FCHSD2: variants seen among roughly 807,000 people sequenced by gnomAD.
The protein encoded by FCHSD2 is F-BAR and double SH3 domains protein 2.
A neutral mutation model predicts 108.1 loss-of-function variants in FCHSD2; 38 were observed. That is an observed-to-expected ratio of 0.35 (90% confidence interval 0.27 to 0.46). The LOEUF (loss-of-function observed/expected upper bound fraction) is 0.46, where lower values mean the gene tolerates loss of function less well. Among genes scored for constraint, FCHSD2 ranks in the 20% least tolerant of loss-of-function variants. The pLI, the probability that FCHSD2 is intolerant of heterozygous loss-of-function variation, is 1.00. For synonymous variants in FCHSD2, 279 were observed against 314.7 expected, an observed-to-expected ratio of 0.89 and a Z score of 1.20; for missense variants, 751 against 897.8, an observed-to-expected ratio of 0.84 and a Z score of 2.09.
chr11:73,131,407 T>A (rs1860997845), intron 2 of FCHSD2, among the ~76,000 whole-genome samples: 1 of 150,878 alleles, frequency 6.6e-6, no homozygotes, highest in South Asian at 2.1e-4. Context: ...CGGGCACCTG[T>A]AGTCCCACCT....
rs148746554 is a variant in FCHSD2 at position 72,857,931 on chromosome 11, A to G, written c.1309-8042T>C. On this transcript the variant is annotated intron_variant, in intron 13 of 19. Transcript: ENST00000409418. ...GGTTTGAATGTTGACTATGTCACTT[A>G]CTTGTTGTGTGACCTTGGGCAAATT... 4.8e-3 allele frequency among the ~76,000 whole-genome samples: 736 copies of G among 152,256 alleles called. 3 individuals are homozygous for G. The highest frequency in any genetic ancestry group is 0.015 in the African/African-American group (609 of 41,536).
intron 2 of FCHSD2, among the ~76,000 whole-genome samples, chr11:73,104,243 C>T (rs546350851): frequency 6.6e-6 from 1 of 152,354 alleles, no homozygotes; most frequent in Admixed American, 6.5e-5. Context: ...TTTGCTTCTC[C>T]TAAACAGAAA....
chr11:72,856,874 A>G (rs1861441488), intron 13 of FCHSD2, among the ~76,000 whole-genome samples: 1 of 152,224 alleles, frequency 6.6e-6, no homozygotes, highest in Admixed American at 6.5e-5. Context: ...AATGTATTAT[A>G]TATACTTAGA....
At chr11:73,136,570 A>T (rs1191577862) in intron 2 of FCHSD2, among the ~76,000 whole-genome samples, 1 of 152,162 alleles carries the variant, frequency 6.6e-6, no homozygotes. Flanking sequence ...AAAAAAAATT[A>T]TCTACTACTA....
At chr11:72,849,302 A>C (rs750340178) in intron 14 of FCHSD2, among the ~76,000 whole-genome samples, 2 of 152,264 alleles carry the variant, frequency 1.3e-5, no homozygotes, top group African/African-American at 2.4e-5. Context: ...GAAGACACAC[A>C]GACAAGGTAC....
Position 72,865,650 on chromosome 11 carries a change from A to G in FCHSD2, c.1308+2215T>C, listed in dbSNP as rs529948606. ...TTCTTCAAAGACTATCTCAAATGACATATCCTCCATGGGGCACACTTTCTT... is the reference window on the plus strand; with the variant it reads ...TTCTTCAAAGACTATCTCAAATGACGTATCCTCCATGGGGCACACTTTCTT... On this transcript the variant is annotated intron_variant, in intron 13 of 19. Transcript: ENST00000409418. Among the ~76,000 whole-genome samples the G allele has an allele frequency of 1.9e-4, 29 of 151,804 alleles. No individual in the cohort carries two copies. The South Asian group carries it at 2.9e-3, about 15-fold the overall frequency.
intron 3 of FCHSD2, among the ~76,000 whole-genome samples, chr11:73,062,156 C>G (rs1427608070): frequency 6.6e-6 from 1 of 152,102 alleles, no homozygotes; most frequent in Non-Finnish European, 1.5e-5. Context: ...GCTGATGATA[C>G]CCAGGCAAAC....
intron 3 of FCHSD2, among the ~76,000 whole-genome samples, chr11:73,023,698 CA>C (rs532036057): frequency 6.6e-6 from 1 of 152,024 alleles, no homozygotes; most frequent in African/African-American, 2.4e-5. Context: ...CTTAGGTTCA[CA>C]AAAAAACCTG....
chr11:73,067,502 T>C (rs1232985758), intron 3 of FCHSD2, among the ~76,000 whole-genome samples: 2 of 151,032 alleles, frequency 1.3e-5, no homozygotes, highest in African/African-American at 2.4e-5. Context: ...AGAAAGAAAA[T>C]AGATATGCTC....
At chr11:72,920,977 T>C (rs1289168347) in intron 9 of FCHSD2, among the ~76,000 whole-genome samples, 1 of 152,022 alleles carries the variant, frequency 6.6e-6, no homozygotes, top group Non-Finnish European at 1.5e-5. Context: ...GGATGAAGAG[T>C]CTGTGCTTTT....
chr11:72,871,713 A>G (rs995932401), intron 12 of FCHSD2, among the ~76,000 whole-genome samples: 1 of 151,344 alleles, frequency 6.6e-6, no homozygotes, highest in African/African-American at 2.4e-5. Context: ...CTGTGAATAG[A>G]TAGCCACTGC....
At chr11:72,929,032 T>A (rs1455102143) in intron 8 of FCHSD2, among the ~76,000 whole-genome samples, 1 of 152,200 alleles carries the variant, frequency 6.6e-6, no homozygotes, top group African/African-American at 2.4e-5. Context: ...TTCATCCATG[T>A]CCCTACAAAG....
chr11:72,905,413 T>C (rs1163061512), intron 9 of FCHSD2, among the ~76,000 whole-genome samples: 1 of 152,240 alleles, frequency 6.6e-6, no homozygotes, highest in Non-Finnish European at 1.5e-5. Flanking sequence ...TTATCCTTAC[T>C]TTGTATTACA....
intron 4 of FCHSD2, among the ~76,000 whole-genome samples, chr11:73,011,687 G>T (rs188019894): frequency 2.0e-5 from 3 of 152,236 alleles, no homozygotes; most frequent in Non-Finnish European, 4.4e-5. Flanking sequence ...TAGTTTCAAG[G>T]CCCAGGAAGG....
chr11:73,032,940 A>T (rs117893776), intron 3 of FCHSD2, among the ~76,000 whole-genome samples: 4 of 152,150 alleles, frequency 2.6e-5, no homozygotes, highest in African/African-American at 9.7e-5. Flanking sequence ...CCATTATCAG[A>T]CTAAAATGTG....
chr11:72,871,978 T>C (rs1379945796), intron 12 of FCHSD2, among the ~76,000 whole-genome samples: 1 of 152,098 alleles, frequency 6.6e-6, no homozygotes, highest in Admixed American at 6.6e-5. Flanking sequence ...ATCACTGGGC[T>C]TTCTTTGCTG....
intron 10 of FCHSD2, among the ~76,000 whole-genome samples, chr11:72,902,207 T>A (rs948044749): frequency 1.7e-4 from 26 of 152,268 alleles, no homozygotes; most frequent in African/African-American, 4.6e-4. Context: ...CTGATTTCTG[T>A]GGAGGGGTAC....
chr11:73,122,871 G>T (rs549145077), intron 2 of FCHSD2, among the ~76,000 whole-genome samples: 33 of 152,242 alleles, frequency 2.2e-4, no homozygotes, highest in African/African-American at 7.9e-4. Context: ...GAATCTACAA[G>T]ATATGCAGAT....
intron 10 of FCHSD2, among the ~76,000 whole-genome samples, chr11:72,899,859 TTTC>T (rs1265795685): frequency 6.6e-6 from 1 of 151,924 alleles, no homozygotes; most frequent in African/African-American, 2.4e-5. Context: ...GTCCTGAACA[TTTC>T]TTCTTAGAAG....
Sources: allele counts gnomAD v4.1 joint callset (sites outside exome capture counted in the v4.1 genomes callset), GRCh38; gene constraint gnomAD v4.1.1; transcripts MANE v1.5; gene names NCBI Gene and HGNC (gene_info 2026-07-23, HGNC 2026-07-21).